CDH10: variants seen among roughly 807,000 people sequenced by gnomAD.
The protein encoded by CDH10 is cadherin 10.
Under a neutral mutation model 73.1 loss-of-function variants are expected in CDH10, and 30 were observed. The observed-to-expected ratio is 0.41, with a 90% CI of 0.31 to 0.56. CDH10 has a LOEUF of 0.56. CDH10 is among the 20% of genes least tolerant of loss of function. The pLI is 0.27. For missense variants in CDH10, 815 were observed against 973.7 expected (o/e 0.84, Z 2.17); for synonymous variants, 345 against 348.2 (o/e 0.99, Z 0.10).
intron 5 of CDH10, among the ~76,000 whole-genome samples, chr5:24,518,594 T>A (rs913428602): frequency 1.2e-4 from 19 of 152,210 alleles, no homozygotes; most frequent in Admixed American, 1.2e-3. Flanking sequence ...AAAAATAAAC[T>A]TTTGAAATTT....
chr5:24,624,039 C>T (rs1030118064), intron 1 of CDH10, among the ~76,000 whole-genome samples: 1 of 151,986 alleles, frequency 6.6e-6, no homozygotes, highest in Non-Finnish European at 1.5e-5. Context: ...AGCCAGATAC[C>T]CACACAGCAA....
intron 2 of CDH10, among the ~76,000 whole-genome samples, chr5:24,589,379 T>A (rs573134675): frequency 6.6e-6 from 1 of 152,118 alleles, no homozygotes; most frequent in South Asian, 2.1e-4. Context: ...GACAGCATAT[T>A]TAGAAGTAAG....
chr5:24,504,506 C>CTTTTTTTTTTTTTT lies in CDH10; in HGVS notation c.1393+592_1393+605dup, dbSNP rs70965605. Among the ~76,000 whole-genome samples the CTTTTTTTTTTTTTT allele has an allele frequency of 4.6e-5, 3 of 65,160 alleles. 1 individual carries two copies. The highest frequency in any genetic ancestry group is 8.8e-5 in the Non-Finnish European group (3 of 33,962). The allele number at this position is 65,160 out of a possible 152,430, so 42.7% of individuals were successfully genotyped here. A position where few individuals can be genotyped will look rare whatever the true frequency, so the allele number is the denominator to read the frequency against. On this transcript the variant is annotated intron_variant, in intron 8 of 11. Coordinates refer to ENST00000264463, the MANE Select transcript of CDH10 (RefSeq NM_006727.5). ...TATTAAATGCTTTTCTCCTATTAAT[C>CTTTTTTTTTTTTTT]TTTTTTTTTTTTTTTTTTTTTTTTT...
chr5:24,595,621 C>A (rs1746346417), intron 1 of CDH10, among the ~76,000 whole-genome samples: 1 of 151,820 alleles, frequency 6.6e-6, no homozygotes, highest in South Asian at 2.1e-4. Context: ...TTAGGATGTG[C>A]CAGACAGTAT....
chr5:24,616,282 C>A (rs775186649), intron 1 of CDH10, among the ~76,000 whole-genome samples: 1 of 152,126 alleles, frequency 6.6e-6, no homozygotes, highest in African/African-American at 2.4e-5. Flanking sequence ...TGAATAACTT[C>A]TGCATTTCCC....
intron 1 of CDH10, among the ~76,000 whole-genome samples, chr5:24,621,891 C>A (rs1426566118): frequency 2.0e-5 from 3 of 152,052 alleles, no homozygotes; most frequent in African/African-American, 7.2e-5. Flanking sequence ...AAGGCCCCAC[C>A]CAAGGTAGAG....
In CDH10 at chr5:24,504,535, T is replaced by G. The variant is rs1172789897; in HGVS notation, c.1393+577A>C. Among the ~76,000 whole-genome samples the G allele has an allele frequency of 4.6e-3, 360 of 77,594 alleles. 6 individuals carry two copies. The highest frequency in any genetic ancestry group is 0.015 in the African/African-American group (352 of 22,880). 50.9% of individuals were successfully genotyped at this position (77,594 alleles called of 152,430 possible). On this transcript the variant is annotated intron_variant, in intron 8 of 11. Transcript: ENST00000264463. The stretch of plus-strand genomic sequence containing the variant: ...TTTTTTTTTTTTTTTTTTTTTTTTT[T>G]TTTTTTTTAAGATGGAATCTCGCTC...
intron 5 of CDH10, among the ~76,000 whole-genome samples, chr5:24,531,495 T>C (rs1399111789): frequency 6.6e-6 from 1 of 152,112 alleles, no homozygotes; most frequent in African/African-American, 2.4e-5. Flanking sequence ...GACGTTTAAT[T>C]GACTCACAGC....
At chr5:24,624,355 A>G (rs564947681) in intron 1 of CDH10, among the ~76,000 whole-genome samples, 505 of 152,256 alleles carry the variant, frequency 3.3e-3, no homozygotes, top group South Asian at 7.9e-3. Context: ...ATTTAAATAA[A>G]TCAGATAATA....
intron 3 of CDH10, 57 bp from the exon 4 acceptor site, chr5:24,535,879 A>C: frequency 7.4e-7 from 1 of 1,360,388 alleles, no homozygotes; most frequent in Non-Finnish European, 9.9e-7. Flanking sequence ...GAGCAAAAGC[A>C]CTGGTTTTCA....
chr5:24,494,362 G>T (rs1053368886), intron 9 of CDH10, among the ~76,000 whole-genome samples: 2 of 151,758 alleles, frequency 1.3e-5, no homozygotes, highest in African/African-American at 4.8e-5. Context: ...TACTCTTAAG[G>T]ATGTCATTTT....
chr5:24,530,507 A>C (rs1395228902), intron 5 of CDH10, among the ~76,000 whole-genome samples: 1 of 152,038 alleles, frequency 6.6e-6, no homozygotes, highest in Non-Finnish European at 1.5e-5. Context: ...AGGACTAAAA[A>C]TATTCAAGTG....
intron 2 of CDH10, among the ~76,000 whole-genome samples, chr5:24,548,000 AG>A (rs932713590): frequency 6.6e-6 from 1 of 152,236 alleles, no homozygotes; most frequent in Non-Finnish European, 1.5e-5. Context: ...TGCAATTGTC[AG>A]GGTTGGCAAG....
intron 2 of CDH10, among the ~76,000 whole-genome samples, chr5:24,560,901 T>G (rs1456759970): frequency 1.3e-5 from 2 of 152,258 alleles, no homozygotes; most frequent in Admixed American, 1.3e-4. Context: ...AGTGAAATAA[T>G]CCAAATTTCC....
At chr5:24,518,647 T>G (rs1414394195) in intron 5 of CDH10, among the ~76,000 whole-genome samples, 2 of 152,098 alleles carry the variant, frequency 1.3e-5, no homozygotes, top group Non-Finnish European at 2.9e-5. Context: ...GTTGCAGGTT[T>G]CCCTGCCTCC....
intron 1 of CDH10, among the ~76,000 whole-genome samples, chr5:24,610,368 T>C (rs1746902949): frequency 6.6e-6 from 1 of 152,204 alleles, no homozygotes; most frequent in East Asian, 1.9e-4. Flanking sequence ...TACAATATTT[T>C]AGAGTACATT....
At chr5:24,527,608 C>G (rs1219217330) in intron 5 of CDH10, among the ~76,000 whole-genome samples, 2 of 151,838 alleles carry the variant, frequency 1.3e-5, no homozygotes, top group African/African-American at 2.4e-5. Flanking sequence ...ACCTGTACAG[C>G]ATGTTGCTGT....
chr5:24,496,117 G>A (rs1742280197), intron 9 of CDH10, among the ~76,000 whole-genome samples: 1 of 151,928 alleles, frequency 6.6e-6, no homozygotes, highest in Non-Finnish European at 1.5e-5. Context: ...GATATTTTTG[G>A]TTTCTTAAAG....
intron 1 of CDH10, among the ~76,000 whole-genome samples, chr5:24,628,819 G>GC (rs553620129): frequency 4.6e-4 from 65 of 141,880 alleles, no homozygotes; most frequent in Admixed American, 1.0e-3. Flanking sequence ...AACACTTGCC[G>GC]CCCCCCCCAC....
Sources: gnomAD v4.1 joint callset for allele counts (sites outside exome capture counted in the v4.1 genomes callset) on GRCh38, gnomAD v4.1.1 for gene constraint, MANE v1.5 for transcripts, NCBI Gene and HGNC (gene_info 2026-07-23, HGNC 2026-07-21) for gene names.